Variants in C3 observed in about 807,000 individuals in gnomAD.
The protein encoded by C3 is C3 and PZP-like alpha-2-macroglobulin domain-containing protein 1.
Under a neutral mutation model 207.9 loss-of-function variants are expected in C3, and 97 were observed. That is an observed-to-expected ratio of 0.47 (90% CI 0.40 to 0.55). The LOEUF (loss-of-function observed/expected upper bound fraction) is 0.55, where lower values mean the gene tolerates loss of function less well. Among genes scored for constraint, C3 ranks in the 20% least tolerant of loss-of-function variants. The probability of loss-of-function intolerance (pLI) is 0.00; values close to 1 mark genes in which losing one functional copy is unlikely to be tolerated. For missense variants in C3, 1,684 were observed against 2,171.7 expected (o/e 0.78, Z 4.46); for synonymous variants, 848 against 857.6 (o/e 0.99, Z 0.20).
At position 6,711,064 on chromosome 19, in the gene C3, C is replaced by T. The variant is rs148820222; in HGVS notation, c.1402G>A (p.Gly468Arg). 18 of 1,613,998 alleles carry T rather than the reference C, an allele frequency of 1.1e-5. No homozygotes were observed. Among genetic ancestry groups the T allele is most frequent in the South Asian group, 4.4e-5 (4 of 91,088 alleles). ...AGGAAGTTGACGTTGAGGGTCTCCC[C>T]GGGTCTGAGCTCTGTACGTAGCACT... ...LSVLRTELRP[G>R]ETLNVNFLLR... The change falls in exon 12 of 41, where the codon GGG (glycine) becomes AGG (arginine). Residue 468 changes from glycine (G) to arginine (R), a missense_variant. Physicochemically the swap from Gly to Arg is moderately radical, Grantham distance 125 (BLOSUM62 -2). Coordinates refer to ENST00000245907, the MANE Select transcript of C3 (RefSeq NM_000064.4).
At chr19:6,678,610 C>T (rs906627397) in intron 38 of C3, among the ~76,000 whole-genome samples, 155 bp from the exon 39 acceptor site, 1 of 152,098 alleles carries the variant, frequency 6.6e-6, no homozygotes, top group Admixed American at 6.5e-5. Flanking sequence ...TCATTACACA[C>T]ACAACCATAG....
At chr19:6,701,662 AG>A (rs1967677297) in intron 19 of C3, among the ~76,000 whole-genome samples, 1 of 152,138 alleles carries the variant, frequency 6.6e-6, no homozygotes, top group Admixed American at 6.6e-5. Flanking sequence ...CTGGGATTAT[AG>A]GCGCCCGCCA....
chr19:6,719,247 G>C lies in C3; in HGVS notation c.231C>G (p.Thr77=). Residue 77 remains threonine, a synonymous_variant, in exon 2 of 41, where the codon ACC becomes ACG. Coordinates refer to ENST00000245907, the MANE Select transcript of C3 (RefSeq NM_000064.4). This position sits in a 1 kb window ranked among gnomAD's most constrained non-coding sequence, Gnocchi z 5.4. ...LVLSSEKTVL[T]PATNHMGNVT... ...CGTTGCCCATGTGGTTGGTGGCAGG[G>C]GTCAGCACAGTCTTCTCACTGGACA... is the stretch of plus-strand genomic sequence containing the variant. 1.2e-6 allele frequency: 2 copies of C among 1,613,990 alleles called. No individual in the cohort carries two copies. Among genetic ancestry groups the C allele is most frequent in the Non-Finnish European group, 8.5e-7 (1 of 1,179,966 alleles).
Position 6,713,189 on chromosome 19 carries a change from C to T in C3, c.1003G>A (p.Gly335Ser). The T allele has an allele frequency of 6.2e-7, 1 of 1,613,778 alleles. No homozygotes were observed. Among genetic ancestry groups the T allele is most frequent in the Non-Finnish European group, 8.5e-7 (1 of 1,180,024 alleles). Reference sequence around the variant, plus strand: ...GCCTGGCCTTCAGACTGGGCCTCACCTGAGTGCAAGATGACGGTGGCAGAC... The same window carrying T: ...GCCTGGCCTTCAGACTGGGCCTCACTTGAGTGCAAGATGACGGTGGCAGAC... ...YVSATVILHSGSDMVQAERSG... is the reference protein window; with the variant it reads ...YVSATVILHSSSDMVQAERSG... Residue 335 changes from glycine to serine, a missense_variant and splice_region_variant, in exon 9 of 41, where the codon GGC becomes AGC. By Grantham distance (56) the Gly-to-Ser change is moderately conservative (BLOSUM62 0). This residue lies in a region of C3 where 1,280 missense variants were observed against 1,739.1 expected (regional missense o/e 0.74). Coordinates refer to ENST00000245907, the MANE Select transcript of C3 (RefSeq NM_000064.4).
intron 21 of C3, among the ~76,000 whole-genome samples, chr19:6,696,876 C>T (rs1326210657): frequency 3.3e-5 from 5 of 151,262 alleles, no homozygotes; most frequent in African/African-American, 1.2e-4. Context: ...CCTGTCTCTA[C>T]TAAAAATACA....
intron 9 of C3, among the ~76,000 whole-genome samples, 155 bp from the exon 10 acceptor site, chr19:6,712,778 C>A (rs891588178): frequency 2.0e-5 from 3 of 152,094 alleles, no homozygotes; most frequent in Middle Eastern, 3.2e-3. Context: ...CTGGACTCCA[C>A]CTTTATACTG....
chr19:6,709,612 CCCA>C, intron 14 of C3, 69 bp downstream of exon 14: 2 of 614,096 alleles, frequency 3.3e-6, no homozygotes, highest in Non-Finnish European at 6.1e-6. Flanking sequence ...CCTCTCCAGT[CCCA>C]CCCACCTCCC....
At position 6,707,160 on chromosome 19, in the gene C3, T is replaced by C. The variant is rs541671944; in HGVS notation, c.2161A>G (p.Lys721Glu). 12 of 1,613,776 alleles carry C rather than the reference T, an allele frequency of 7.4e-6. No homozygotes were observed. The highest frequency in any genetic ancestry group is 5.0e-5 in the Admixed American group (3 of 60,010). The change falls in exon 17 of 41, where the codon AAG (lysine) becomes GAG (glutamate). Residue 721 changes from lysine (K) to glutamate (E), a missense_variant. Physicochemically the swap from Lys to Glu is moderately conservative, Grantham distance 56. Transcript: ENST00000245907. ...TRFISLGEAC[K>E]KVFLDCCNYI... is the part of the protein sequence containing the mutation. Reference sequence around the variant, plus strand: ...TTGCAGCAGTCCAGGAAGACCTTCTTGCACGCCTCGCCCAGGGAGATGAAA... The same window carrying C: ...TTGCAGCAGTCCAGGAAGACCTTCTCGCACGCCTCGCCCAGGGAGATGAAA...
At chr19:6,712,214 C>T (rs766569239) in intron 11 of C3, 43 bp downstream of exon 11, 45 of 1,610,702 alleles carry the variant, frequency 2.8e-5, no homozygotes, top group African/African-American at 4.0e-5. Flanking sequence ...ACCCCTGTAC[C>T]GTCTTCCCAG....
At chr19:6,682,081 T>A in intron 34 of C3, 51 bp from the exon 35 acceptor site, 1 of 1,602,534 alleles carries the variant, frequency 6.2e-7, no homozygotes, top group South Asian at 1.1e-5. Context: ...CCTCTCTCCC[T>A]GCAGCCTCTT....
rs779301190 is a variant in C3 at position 6,711,065 on chromosome 19, G to A, written c.1401C>T (p.Pro467=). The change falls in exon 12 of 41, where the codon CCC becomes CCT. Residue 467 remains proline (P), a synonymous_variant. Transcript: ENST00000245907. ...GGAAGTTGACGTTGAGGGTCTCCCC[G>A]GGTCTGAGCTCTGTACGTAGCACTG... ...HLSVLRTELR[P]GETLNVNFLL... is the part of the protein sequence containing the mutation. 1.2e-5 allele frequency: 19 copies of A among 1,614,044 alleles called. No individual in the cohort carries two copies. Among genetic ancestry groups the A allele is most frequent in the East Asian group, 4.5e-5 (2 of 44,898 alleles).
At chr19:6,711,451 T>C (rs1033246458) in intron 11 of C3, among the ~76,000 whole-genome samples, 1 of 152,044 alleles carries the variant, frequency 6.6e-6, no homozygotes, top group African/African-American at 2.4e-5. Flanking sequence ...TGGAAGATGC[T>C]ATGCTGCTGC....
In C3 at chr19:6,682,304, G is replaced by A; in HGVS notation, c.4173-75C>T. On this transcript the variant is annotated intron_variant, in intron 33 of 40. Transcript: ENST00000245907. ...CAAGGGTCTGTTCCTGGACAAGGAGGTCTGATCAGGCACTGAGACTTCTGA... is the reference window on the plus strand; with the variant it reads ...CAAGGGTCTGTTCCTGGACAAGGAGATCTGATCAGGCACTGAGACTTCTGA... 25 of 1,091,074 alleles carry A rather than the reference G, an allele frequency of 2.3e-5. No individual in the cohort carries two copies. The South Asian group carries it at 3.1e-4, about 14-fold the overall frequency. 67.6% of individuals were successfully genotyped at this position (1,091,074 alleles called of 1,614,324 possible). A position where few individuals can be genotyped will look rare whatever the true frequency, so the allele number is the denominator to read the frequency against.
rs866028290 is a variant in C3 at position 6,709,174 on chromosome 19, C to T, written c.1845+510G>A. Among the ~76,000 whole-genome samples the T allele has an allele frequency of 2.0e-4, 31 of 152,236 alleles. No homozygotes were observed. In the Middle Eastern group the frequency reaches 0.017, roughly 84 times the overall value. On this transcript the variant is annotated intron_variant, in intron 14 of 40. Transcript: ENST00000245907. The stretch of plus-strand genomic sequence containing the variant: ...TGAAAGTGTCCAATTCTCAGCCGGG[C>T]GCAGTGGCTCACGCCTGTAATCCCA...
intron 38 of C3, 136 bp downstream of exon 38, chr19:6,678,989 A>T (rs2145389869): frequency 1.4e-6 from 1 of 736,758 alleles, no homozygotes; most frequent in South Asian, 1.5e-5. Flanking sequence ...GCCCCTCACA[A>T]TACATGCTCT....
chr19:6,686,240 C>T lies in C3; in HGVS notation c.3694G>A (p.Ala1232Thr). The change falls in exon 29 of 41, where the codon GCC becomes ACC. Residue 1232 changes from alanine (A) to threonine (T), a missense_variant. Physicochemically the swap from Ala to Thr is moderately conservative, Grantham distance 58. This residue lies in a region of C3 where 1,280 missense variants were observed against 1,739.1 expected (regional missense o/e 0.74). Transcript: ENST00000245907. ...DPGKQLYNVE[A>T]TSYALLALLQ... ...AGGGCCAAGAGGGCATAGGATGTGGCCTCCACGTTGTAGAGCTGCTTACCA... is the reference window on the plus strand; with the variant it reads ...AGGGCCAAGAGGGCATAGGATGTGGTCTCCACGTTGTAGAGCTGCTTACCA... The T allele has an allele frequency of 6.2e-7, 1 of 1,614,148 alleles. No individual in the cohort carries two copies. Among genetic ancestry groups the T allele is most frequent in the South Asian group, 1.1e-5 (1 of 91,080 alleles).
intron 33 of C3, chr19:6,684,161 T>C: frequency 1.6e-6 from 1 of 621,328 alleles, no homozygotes; most frequent in South Asian, 1.8e-5. Flanking sequence ...CCTCCATTGA[T>C]TACTAAGATG....
chr19:6,679,444 G>A lies in C3; in HGVS notation c.4509C>T (p.Asn1503=), dbSNP rs757670171. 6.2e-7 allele frequency: 1 copy of A among 1,613,990 alleles called. No individual in the cohort carries two copies. The highest frequency in any genetic ancestry group is 1.1e-5 in the South Asian group (1 of 91,090). The stretch of plus-strand genomic sequence containing the variant: ...GGCACAGTTCATCACGGCAGAGCTT[G>A]TTCAGCTTTCCATCCTCCTTTTCCG... ...YHPEKEDGKL[N]KLCRDELCRC... The change falls in exon 37 of 41, where the codon AAC becomes AAT. Residue 1503 remains asparagine (N), a synonymous_variant. Transcript: ENST00000245907.
intron 19 of C3, among the ~76,000 whole-genome samples, chr19:6,698,276 A>G (rs1483903056): frequency 1.3e-5 from 2 of 152,016 alleles, no homozygotes; most frequent in African/African-American, 4.8e-5. Context: ...CAGCCTCCCA[A>G]GTGCTGAGAT....
Sources: gnomAD v4.1 joint callset for allele counts (sites outside exome capture counted in the v4.1 genomes callset) on GRCh38, gnomAD v4.1.1 for gene constraint, gnomAD v4.1.1 regional missense constraint, Gnocchi (gnomAD v3.1) non-coding constraint, MANE v1.5 for transcripts, NCBI Gene and HGNC (gene_info 2026-07-23, HGNC 2026-07-21) for gene names.